SLC4A9: variants seen among roughly 807,000 people sequenced by gnomAD.
The protein encoded by SLC4A9 is anion exchange protein 4.
SLC4A9 carries 102 observed loss-of-function variants against 103.2 expected under a neutral mutation model. The observed-to-expected ratio is 0.99, with a 90% CI of 0.84 to 1.17. SLC4A9 has a LOEUF of 1.17. Ranked by LOEUF, SLC4A9 falls within the 50% of genes most tolerant of loss-of-function variation. The pLI is 0.00. For synonymous variants in SLC4A9, 453 were observed against 483.6 expected, an observed-to-expected ratio of 0.94 and a Z score of 0.83; for missense variants, 1,091 against 1,193.7, an observed-to-expected ratio of 0.91 and a Z score of 1.27.
At chr5:140,360,682 G>A (rs544598738) in intron 1 of SLC4A9, 130 bp from the exon 2 acceptor site, 24 of 1,412,964 alleles carry the variant, frequency 1.7e-5, no homozygotes, top group East Asian at 2.5e-5. Context: ...CTGCCAGGGT[G>A]GGGGGGAGAC....
intron 1 of SLC4A9, 159 bp downstream of exon 1, chr5:140,360,625 C>T (rs2126734938): frequency 8.8e-7 from 1 of 1,131,746 alleles, no homozygotes; most frequent in Non-Finnish European, 1.3e-6. Flanking sequence ...GCCCAGCCTC[C>T]TCTGCAGTCT....
intron 21 of SLC4A9, among the ~76,000 whole-genome samples, chr5:140,373,823 C>T (rs1769087358): frequency 6.6e-6 from 1 of 151,446 alleles, no homozygotes; most frequent in African/African-American, 2.4e-5. Flanking sequence ...CAAGCCAGGA[C>T]AAGATGGAGG....
At chr5:140,372,701 CT>C in intron 20 of SLC4A9, 43 bp from the exon 21 acceptor site, 1 of 1,501,578 alleles carries the variant, frequency 6.7e-7, no homozygotes, top group Non-Finnish European at 8.9e-7. Context: ...CACTATCTGT[CT>C]TTCTATCTAT....
Position 140,363,496 on chromosome 5 carries a change from T to G in SLC4A9, c.1020T>G (p.Ala340=). ...RGPAVPRLTS[A]EDRHRHGPHA... ...CCGCCGTCCCGCGCCTGACCTCGGCTGAGGACAGGCACCGCCATGGGCCAC... is the reference window on the plus strand; with the variant it reads ...CCGCCGTCCCGCGCCTGACCTCGGCGGAGGACAGGCACCGCCATGGGCCAC... Residue 340 remains alanine, a synonymous_variant, in exon 8 of 22, where the codon GCT becomes GCG. Transcript: ENST00000506757. The surrounding 1 kb of genome is among the most constrained non-coding windows in gnomAD (Gnocchi z 4.5). 3 of 1,551,560 alleles carry G rather than the reference T, an allele frequency of 1.9e-6. No individual in the cohort carries two copies. The highest frequency in any genetic ancestry group is 1.7e-6 in the Non-Finnish European group (2 of 1,147,250).
At chr5:140,367,951 A>C in intron 16 of SLC4A9, 53 bp downstream of exon 16, 1 of 1,589,118 alleles carries the variant, frequency 6.3e-7, no homozygotes, top group Non-Finnish European at 8.6e-7. Flanking sequence ...AGGTAAGGCA[A>C]AGGGGAACAT....
At chr5:140,370,960 C>A in intron 17 of SLC4A9, 135 bp from the exon 18 acceptor site, 1 of 649,724 alleles carries the variant, frequency 1.5e-6, no homozygotes, top group Non-Finnish European at 2.7e-6. Context: ...CGGCATGAAA[C>A]ATGTGAAAGG....
Position 140,362,345 on chromosome 5 carries a change from G to T in SLC4A9, c.720-100G>T, listed in dbSNP as rs77094806. 2.7e-4 allele frequency: 348 copies of T among 1,307,262 alleles called. 1 individual carries two copies. In the African/African-American group the frequency reaches 4.7e-3, roughly 18 times the overall value. 81.0% of individuals were successfully genotyped at this position (1,307,262 alleles called of 1,614,324 possible). On this transcript the variant is annotated intron_variant, in intron 5 of 21. Transcript: ENST00000506757. ...CTGCATGGTAGGTGTGCAAATGAGT[G>T]TGTTTATGGGAGCTGATAGGTCAGA...
intron 3 of SLC4A9, 81 bp downstream of exon 3, chr5:140,361,448 A>G (rs1767072678): frequency 1.7e-6 from 2 of 1,172,240 alleles, no homozygotes. Flanking sequence ...CCAGGGCTAG[A>G]AGTAGCCCAG....
chr5:140,363,294 A>G lies in SLC4A9; in HGVS notation c.963-145A>G. 1.1e-6 allele frequency: 1 copy of G among 907,336 alleles called. No individual in the cohort carries two copies. Among genetic ancestry groups the G allele is most frequent in the Non-Finnish European group, 1.7e-6 (1 of 598,568 alleles). 56.2% of individuals were successfully genotyped at this position (907,336 alleles called of 1,614,324 possible). ...TTTCACAGGTCGCAATATGACCTGG[A>G]CCTTCTAGAGGCCCAGGTGTCGCCA... On this transcript the variant is annotated intron_variant, in intron 7 of 21. Transcript: ENST00000506757. This position sits in a 1 kb window ranked among gnomAD's most constrained non-coding sequence, Gnocchi z 4.5.
At position 140,364,425 on chromosome 5, in the gene SLC4A9, G is replaced by A; in HGVS notation, c.1451G>A (p.Cys484Tyr). ...GTGGGCATCTGGGTGGCTACCTTTTGCCTGGTGCTGGTGGCCACAGAGGCC... is the reference window on the plus strand; with the variant it reads ...GTGGGCATCTGGGTGGCTACCTTTTACCTGGTGCTGGTGGCCACAGAGGCC... Reference protein sequence around the residue: ...LWVGIWVATFCLVLVATEASV... With the variant: ...LWVGIWVATFYLVLVATEASV... Residue 484 changes from cysteine to tyrosine, a missense_variant, in exon 11 of 22, where the codon TGC becomes TAC. Transcript: ENST00000506757. The A allele has an allele frequency of 1.2e-6, 2 of 1,613,694 alleles. No individual in the cohort carries two copies. The highest frequency in any genetic ancestry group is 2.2e-5 in the East Asian group (1 of 44,874).
At position 140,361,270 on chromosome 5, in the gene SLC4A9, G is replaced by A; in HGVS notation, c.408G>A (p.Val136=). 1 of 1,566,194 alleles carries A rather than the reference G, an allele frequency of 6.4e-7. No individual in the cohort carries two copies. The highest frequency in any genetic ancestry group is 8.7e-7 in the Non-Finnish European group (1 of 1,155,280). Residue 136 remains valine, a synonymous_variant, in exon 3 of 22, where the codon GTG becomes GTA. Coordinates refer to ENST00000506757, the MANE Select transcript of SLC4A9 (RefSeq NM_031467.3). ...LLELVEQVTR[V]ESLSPELRGQ... ...ATTCTCCAGAGCAGGTGACCAGGGT[G>A]GAGTCGCTGAGCCCAGAGCTGAGAG...
In SLC4A9 at chr5:140,364,552, G is replaced by T; in HGVS notation, c.1578G>T (p.Leu526Phe). 6.2e-7 allele frequency: 1 copy of T among 1,606,262 alleles called. No individual in the cohort carries two copies. The highest frequency in any genetic ancestry group is 8.5e-7 in the Non-Finnish European group (1 of 1,176,172). The part of the protein sequence containing the change: ...IYDAVGKMLN[L>F]THTYPIQKPG... Reference sequence around the variant, plus strand: ...ATGCTGTGGGCAAAATGCTGAACTTGACCCATACCTATCCTATCCAGAAGC... The same window carrying T: ...ATGCTGTGGGCAAAATGCTGAACTTTACCCATACCTATCCTATCCAGAAGC... Residue 526 changes from leucine (L) to phenylalanine (F), a missense_variant, in exon 11 of 22, where the codon TTG (leucine) becomes TTT (phenylalanine). Coordinates refer to ENST00000506757, the MANE Select transcript of SLC4A9 (RefSeq NM_031467.3).
At chr5:140,365,784 G>C (rs967357612) in intron 12 of SLC4A9, 50 bp from the exon 13 acceptor site, 4 of 1,574,356 alleles carry the variant, frequency 2.5e-6, no homozygotes, top group Non-Finnish European at 3.5e-6. Context: ...AGGAGAGCAG[G>C]ACATTTACTC....
rs776468834 is a variant in SLC4A9 at position 140,360,854 on chromosome 5, G to C, written c.273G>C (p.Arg91=). ...AGAAGTTGGAGGTGGCTGCAGGCCG[G>C]TGGAGTGCCCCCCACGTGCCCACCC... ...FEEKLEVAAG[R]WSAPHVPTLA... is the part of the protein sequence containing the mutation. Residue 91 remains arginine (R), a synonymous_variant, in exon 2 of 22, where the codon CGG becomes CGC. Coordinates refer to ENST00000506757, the MANE Select transcript of SLC4A9 (RefSeq NM_031467.3). 17 of 1,613,196 alleles carry C rather than the reference G, an allele frequency of 1.1e-5. No homozygotes were observed. The South Asian group carries it at 1.9e-4, about 18-fold the overall frequency.
In SLC4A9 at chr5:140,363,619, CTG is replaced by C; in HGVS notation, c.1079+65_1079+66del. On this transcript the variant is annotated intron_variant, in intron 8 of 21. Transcript: ENST00000506757. The surrounding 1 kb of genome is among the most constrained non-coding windows in gnomAD (Gnocchi z 4.5). ...GGGGAGGGGAGGAGTCACAGGGAAACTGAGGTGTGTGCTCACTGTGGGAGGGG... is the reference window on the plus strand; with the variant it reads ...GGGGAGGGGAGGAGTCACAGGGAAACAGGTGTGTGCTCACTGTGGGAGGGG... 4 of 1,563,784 alleles carry C rather than the reference CTG, an allele frequency of 2.6e-6. No homozygotes were observed. In the South Asian group the frequency reaches 4.7e-5, roughly 18 times the overall value.
rs757550922 is a variant in SLC4A9 at position 140,367,854 on chromosome 5, C to T, written c.2310C>T (p.Ser770=). 2.9e-5 allele frequency: 47 copies of T among 1,613,822 alleles called. No homozygotes were observed. Among genetic ancestry groups the T allele is most frequent in the Non-Finnish European group, 3.6e-5 (42 of 1,179,878 alleles). The change falls in exon 16 of 22, where the codon AGC becomes AGT. Residue 770 remains serine, a synonymous_variant. Transcript: ENST00000506757. ...LAHMDSLRRE[S]RACAPGERPN... ...ACATGGACAGTCTTCGGAGAGAGAG[C>T]AGAGCCTGTGCCCCCGGGGAGCGCC... is the stretch of plus-strand genomic sequence containing the variant.
intron 17 of SLC4A9, among the ~76,000 whole-genome samples, chr5:140,369,145 A>G (rs980997456): frequency 1.3e-5 from 2 of 152,110 alleles, no homozygotes; most frequent in African/African-American, 4.8e-5. Context: ...CAACATAAGG[A>G]GACTCTGTCT....
rs191188857 is a variant in SLC4A9, at chr5:140,367,843, C to T, written c.2299C>T (p.Arg767Trp). The change falls in exon 16 of 22, where the codon CGG (arginine) becomes TGG (tryptophan). Residue 767 changes from arginine (R) to tryptophan (W), a missense_variant. Arg to Trp is a moderately radical substitution (Grantham distance 101). Coordinates refer to ENST00000506757, the MANE Select transcript of SLC4A9 (RefSeq NM_031467.3). Reference sequence around the variant, plus strand: ...CTCCCTGGCTCACATGGACAGTCTTCGGAGAGAGAGCAGAGCCTGTGCCCC... The same window carrying T: ...CTCCCTGGCTCACATGGACAGTCTTTGGAGAGAGAGCAGAGCCTGTGCCCC... ...VISLAHMDSL[R>W]RESRACAPGE... 1.5e-4 allele frequency: 247 copies of T among 1,613,916 alleles called. No homozygotes were observed. The highest frequency in any genetic ancestry group is 2.0e-4 in the Non-Finnish European group (231 of 1,179,868).
Position 140,367,661 on chromosome 5 carries a change from G to T in SLC4A9, c.2176-59G>T, listed in dbSNP as rs1768090866. 1.9e-6 allele frequency: 3 copies of T among 1,607,322 alleles called. No homozygotes were observed. The South Asian group carries it at 3.3e-5, about 18-fold the overall frequency. ...TACGCTCCTCCTCTCCTACCTCAGA[G>T]GACAGAGGGCTGGGGCCTGGGCTAG... On this transcript the variant is annotated intron_variant, in intron 15 of 21. Transcript: ENST00000506757.
Sources: gnomAD v4.1 joint callset for allele counts (sites outside exome capture counted in the v4.1 genomes callset) on GRCh38, gnomAD v4.1.1 for gene constraint, Gnocchi (gnomAD v3.1) non-coding constraint, MANE v1.5 for transcripts, NCBI Gene and HGNC (gene_info 2026-07-23, HGNC 2026-07-21) for gene names.